Variants in C10orf90 observed in about 807,000 individuals in gnomAD.
C10orf90 encodes (E2-independent) E3 ubiquitin-conjugating enzyme FATS.
A neutral mutation model predicts 62.5 loss-of-function variants in C10orf90; 56 were observed. The ratio of observed to expected loss-of-function variants is 0.90; its 90% confidence interval spans 0.72 to 1.12. C10orf90 has a LOEUF of 1.12. Ranked by LOEUF, C10orf90 falls within the 50% of genes most tolerant of loss-of-function variation. The probability of loss-of-function intolerance (pLI) is 0.00; values close to 1 mark genes in which losing one functional copy is unlikely to be tolerated. For missense variants in C10orf90, 970 were observed against 880.4 expected (o/e 1.10, Z -1.29); for synonymous variants, 386 against 340.4 (o/e 1.13, Z -1.47).
chr10:126,445,453 A>G (rs1858697112), intron 7 of C10orf90, among the ~76,000 whole-genome samples: 1 of 152,176 alleles, frequency 6.6e-6, no homozygotes, highest in Non-Finnish European at 1.5e-5. Flanking sequence ...GCAAATAAAA[A>G]CCACAATGTG....
At chr10:126,509,428 A>G (rs1397513092) in intron 3 of C10orf90, among the ~76,000 whole-genome samples, 1 of 152,220 alleles carries the variant, frequency 6.6e-6, no homozygotes, top group Non-Finnish European at 1.5e-5. Context: ...AAGTGATACC[A>G]TATTTCAGTG....
chr10:126,441,599 A>T (rs1012302296), intron 7 of C10orf90, among the ~76,000 whole-genome samples: 5 of 152,214 alleles, frequency 3.3e-5, no homozygotes, highest in African/African-American at 1.2e-4. Context: ...ACCTGAAGTT[A>T]AGATGAAGGA....
chr10:126,493,163 G>GA (rs35431467), intron 4 of C10orf90, among the ~76,000 whole-genome samples: 27,503 of 136,792 alleles, frequency 0.2, 2,688 homozygotes, highest in Middle Eastern at 0.29. Context: ...CTTTTTTGTT[G>GA]AAAAAAAAAA....
intron 2 of C10orf90, among the ~76,000 whole-genome samples, chr10:126,627,227 T>C (rs1564898775): frequency 1.3e-5 from 2 of 152,248 alleles, no homozygotes; most frequent in East Asian, 1.9e-4. Context: ...TCTAGACTCC[T>C]GATCTCAAGT....
chr10:126,511,789 TTTC>T (rs1310396985), intron 3 of C10orf90, among the ~76,000 whole-genome samples: 1 of 152,182 alleles, frequency 6.6e-6, no homozygotes, highest in Non-Finnish European at 1.5e-5. Context: ...GTACAGATAT[TTTC>T]TTATTTATAT....
intron 5 of C10orf90, among the ~76,000 whole-genome samples, chr10:126,462,603 C>T (rs1334484692): frequency 2.0e-5 from 3 of 152,162 alleles, no homozygotes; most frequent in Non-Finnish European, 2.9e-5. Context: ...ATGACTCCGT[C>T]GAGGGCTGGA....
chr10:126,639,682 T>C (rs903748658), intron 2 of C10orf90, among the ~76,000 whole-genome samples: 1 of 152,252 alleles, frequency 6.6e-6, no homozygotes, highest in Admixed American at 6.5e-5. Context: ...TGAGCATTCA[T>C]GCTTTTGAGA....
At chr10:126,604,406 C>T (rs1845263657) in intron 2 of C10orf90, among the ~76,000 whole-genome samples, 2 of 152,116 alleles carry the variant, frequency 1.3e-5, no homozygotes, top group Non-Finnish European at 2.9e-5. Context: ...CAGACTTGAT[C>T]CTCAGTTGAA....
chr10:126,521,471 C>A, intron 2 of C10orf90: 1 of 1,466,926 alleles, frequency 6.8e-7, no homozygotes, highest in Non-Finnish European at 9.0e-7. Flanking sequence ...CAGCCTCGGC[C>A]AAAGAACCTC....
At position 126,549,193 on chromosome 10, in the gene C10orf90, T is replaced by C. The variant is rs111305968; in HGVS notation, c.314-35254A>G. Among the ~76,000 whole-genome samples the C allele has an allele frequency of 1.8e-3, 268 of 152,264 alleles. 3 individuals carry two copies. The highest frequency in any genetic ancestry group is 6.2e-3 in the African/African-American group (259 of 41,558). ...ATCAAAGTGTAAAACTTTTCCTCTATGAAAGACCTTGTTCAGAAGATGAAA... is the reference window on the plus strand; with the variant it reads ...ATCAAAGTGTAAAACTTTTCCTCTACGAAAGACCTTGTTCAGAAGATGAAA... On this transcript the variant is annotated intron_variant, in intron 2 of 9. Transcript: ENST00000488181.
At chr10:126,442,211 AG>A (rs1033217670) in intron 7 of C10orf90, among the ~76,000 whole-genome samples, 1 of 151,790 alleles carries the variant, frequency 6.6e-6, no homozygotes, top group Non-Finnish European at 1.5e-5. Flanking sequence ...AGGTAGAAAA[AG>A]GCATTTCATG....
intron 7 of C10orf90, among the ~76,000 whole-genome samples, chr10:126,447,179 A>C (rs1369568042): frequency 6.6e-6 from 1 of 152,082 alleles, no homozygotes; most frequent in Non-Finnish European, 1.5e-5. Context: ...CCTATTAATA[A>C]TTACCTTGAC....
intron 4 of C10orf90, chr10:126,502,907 A>G (rs1401944899): frequency 2.1e-6 from 1 of 476,852 alleles, no homozygotes; most frequent in East Asian, 5.8e-5. Context: ...ATCTCTGAGC[A>G]TTCAATATTT....
At chr10:126,473,016 CTATT>C (rs1860664173) in intron 4 of C10orf90, among the ~76,000 whole-genome samples, 2 of 152,158 alleles carry the variant, frequency 1.3e-5, no homozygotes, top group African/African-American at 4.8e-5. Context: ...TTCAATTTAA[CTATT>C]TATTGAGTAA....
intron 2 of C10orf90, among the ~76,000 whole-genome samples, chr10:126,540,612 T>G (rs890552817): frequency 6.7e-6 from 1 of 149,016 alleles, no homozygotes; most frequent in Admixed American, 6.7e-5. Flanking sequence ...TGAGCTGAGA[T>G]CATGTCACTA....
At chr10:126,617,399 T>C (rs995359052) in intron 2 of C10orf90, among the ~76,000 whole-genome samples, 1 of 152,218 alleles carries the variant, frequency 6.6e-6, no homozygotes, top group Non-Finnish European at 1.5e-5. Context: ...ATGACACCAC[T>C]GACCTAAATA....
At chr10:126,584,554 A>G (rs1844821341) in intron 2 of C10orf90, among the ~76,000 whole-genome samples, 1 of 152,044 alleles carries the variant, frequency 6.6e-6, no homozygotes, top group African/African-American at 2.4e-5. Flanking sequence ...CAAGCCTGGT[A>G]TTTCATTTGG....
chr10:126,659,462 G>A (rs937247658), intron 1 of C10orf90, among the ~76,000 whole-genome samples: 18 of 152,192 alleles, frequency 1.2e-4, no homozygotes, highest in African/African-American at 3.9e-4. Context: ...AATAGCAAGC[G>A]ACGTGTTGTT....
At chr10:126,584,925 C>G (rs1425602645) in intron 2 of C10orf90, among the ~76,000 whole-genome samples, 1 of 152,030 alleles carries the variant, frequency 6.6e-6, no homozygotes, top group Non-Finnish European at 1.5e-5. Flanking sequence ...AAAGTACACA[C>G]AGACACATAC....
Sources: gnomAD v4.1 joint callset for allele counts (sites outside exome capture counted in the v4.1 genomes callset) on GRCh38, gnomAD v4.1.1 for gene constraint, MANE v1.5 for transcripts, NCBI Gene and HGNC (gene_info 2026-07-23, HGNC 2026-07-21) for gene names.